FILIP1L: variants seen among roughly 807,000 people sequenced by gnomAD.
The protein encoded by FILIP1L is filamin A interacting protein 1 like.
A neutral mutation model predicts 96.6 loss-of-function variants in FILIP1L; 55 were observed. That is an observed-to-expected ratio of 0.57 (90% confidence interval 0.46 to 0.71). The LOEUF (loss-of-function observed/expected upper bound fraction) is 0.71, where lower values mean the gene tolerates loss of function less well. FILIP1L is among the 30% of genes least tolerant of loss of function. The pLI is 0.00. For synonymous variants in FILIP1L, 467 were observed against 473.9 expected, an observed-to-expected ratio of 0.99 and a Z score of 0.19; for missense variants, 1,304 against 1,321.2, an observed-to-expected ratio of 0.99 and a Z score of 0.20.
intron 4 of FILIP1L, among the ~76,000 whole-genome samples, chr3:99,901,526 C>G (rs984151377): frequency 2.6e-5 from 4 of 152,186 alleles, no homozygotes; most frequent in African/African-American, 9.7e-5. Context: ...TTTTGCTTGG[C>G]TATTAGCCAG....
intron 4 of FILIP1L, among the ~76,000 whole-genome samples, chr3:99,907,670 A>G (rs942089002): frequency 6.6e-6 from 1 of 152,010 alleles, no homozygotes; most frequent in African/African-American, 2.4e-5. Flanking sequence ...CCTGAATTTG[A>G]TTGCTCTTTT....
chr3:100,016,690 A>G (rs1710351269), intron 1 of FILIP1L, among the ~76,000 whole-genome samples: 2 of 152,360 alleles, frequency 1.3e-5, no homozygotes, highest in South Asian at 4.1e-4. Context: ...TGCAATTCAT[A>G]AACTGGCTGC....
intron 5 of FILIP1L, among the ~76,000 whole-genome samples, chr3:99,846,478 T>G (rs1391909501): frequency 6.6e-6 from 1 of 152,212 alleles, no homozygotes; most frequent in East Asian, 1.9e-4. Context: ...CCTTCTAGAG[T>G]TCTGGCCCAA....
intron 1 of FILIP1L, among the ~76,000 whole-genome samples, chr3:99,937,230 G>A (rs558443813): frequency 2.6e-5 from 4 of 152,266 alleles, no homozygotes; most frequent in African/African-American, 9.6e-5. Flanking sequence ...GAGCCACCAT[G>A]CCCAGCCTAG....
chr3:99,889,744 A>AT (rs1452963596), intron 4 of FILIP1L, among the ~76,000 whole-genome samples: 2 of 151,976 alleles, frequency 1.3e-5, no homozygotes, highest in Admixed American at 6.6e-5. Flanking sequence ...GACCCTATAA[A>AT]TTCCATCTCA....
intron 1 of FILIP1L, among the ~76,000 whole-genome samples, chr3:100,005,226 T>C: frequency 6.6e-6 from 1 of 152,206 alleles, no homozygotes. Context: ...TGAAAGGTTG[T>C]TGGTGATAAT....
chr3:100,049,546 A>G (rs2065335112), intron 1 of FILIP1L, among the ~76,000 whole-genome samples: 1 of 152,208 alleles, frequency 6.6e-6, no homozygotes, highest in Admixed American at 6.5e-5. Context: ...TTGAGGGAAT[A>G]AAAGTGATTA....
chr3:99,839,921 ACT>A (rs1483781635), intron 5 of FILIP1L, among the ~76,000 whole-genome samples: 3 of 151,990 alleles, frequency 2.0e-5, no homozygotes, highest in African/African-American at 7.3e-5. Flanking sequence ...TAAGAGTGGA[ACT>A]CTTATAGAGT....
intron 1 of FILIP1L, among the ~76,000 whole-genome samples, chr3:99,995,976 G>T (rs1460420913): frequency 2.0e-5 from 3 of 152,216 alleles, no homozygotes; most frequent in African/African-American, 7.2e-5. Flanking sequence ...TTTCCCCATT[G>T]TCTTGGTGAT....
intron 5 of FILIP1L, among the ~76,000 whole-genome samples, chr3:99,846,656 G>A (rs1013500567): frequency 3.1e-4 from 47 of 152,294 alleles, no homozygotes; most frequent in African/African-American, 9.9e-4. Flanking sequence ...AGCCCATAGC[G>A]TTGGTGTTGC....
intron 1 of FILIP1L, among the ~76,000 whole-genome samples, chr3:99,972,986 G>T (rs887434428): frequency 1.3e-5 from 2 of 152,168 alleles, no homozygotes; most frequent in Non-Finnish European, 2.9e-5. Flanking sequence ...GCTGAGAGCA[G>T]AAATAGGCCA....
At position 99,881,721 on chromosome 3, in the gene FILIP1L, C is replaced by T. The variant is rs138965828; in HGVS notation, c.606-30651G>A. Among the ~76,000 whole-genome samples, 74 of 152,084 alleles carry T rather than the reference C, an allele frequency of 4.9e-4. No homozygotes were observed. The East Asian group carries it at 0.012, about 25-fold the overall frequency. On this transcript the variant is annotated intron_variant, in intron 4 of 5. Coordinates refer to ENST00000477258, the MANE Select transcript of FILIP1L (RefSeq NM_001387850.1). ...CTAATTTTTGTATTTTTAGTAAAGACGGGGTTTCACCATGTTGGCCAGGCT... is the reference window on the plus strand; with the variant it reads ...CTAATTTTTGTATTTTTAGTAAAGATGGGGTTTCACCATGTTGGCCAGGCT...
In FILIP1L at chr3:99,876,180, G is replaced by A. The variant is rs1705508768; in HGVS notation, c.606-25110C>T. On this transcript the variant is annotated intron_variant, in intron 4 of 5. Coordinates refer to ENST00000477258, the MANE Select transcript of FILIP1L (RefSeq NM_001387850.1). ...AGAGTCGCCCGAACAATGCGAGCGG[G>A]GCGCTGAGCGCGCCCGGCCTATGGG... 5 of 985,348 alleles carry A rather than the reference G, an allele frequency of 5.1e-6. No homozygotes were observed. The South Asian group carries it at 2.3e-4, about 46-fold the overall frequency. The allele number at this position is 985,348 out of a possible 1,614,324, so 61.0% of individuals were successfully genotyped here.
intron 1 of FILIP1L, among the ~76,000 whole-genome samples, chr3:99,973,093 A>T (rs1210984655): frequency 1.3e-5 from 2 of 152,346 alleles, no homozygotes; most frequent in East Asian, 1.9e-4. Flanking sequence ...GACAATTATT[A>T]AAAAAGATGA....
In FILIP1L at chr3:100,013,235, T is replaced by TTGTTGC. The variant is rs1490868732; in HGVS notation, c.-10-82206_-10-82205insGCAACA. ...TGAGGTGTTGTTGTTGTTGTTGTTG[T>TTGTTGC]TGTTGTTGTTGTTGTTGTTGTTGTT... On this transcript the variant is annotated intron_variant, in intron 1 of 5. Transcript: ENST00000477258. 4.0e-5 allele frequency among the ~76,000 whole-genome samples: 6 copies of TTGTTGC among 151,080 alleles called. No homozygotes were observed. The East Asian group carries it at 1.2e-3, about 30-fold the overall frequency.
At chr3:99,937,007 G>A (rs765335053) in intron 1 of FILIP1L, among the ~76,000 whole-genome samples, 20 of 151,882 alleles carry the variant, frequency 1.3e-4, no homozygotes, top group Non-Finnish European at 2.1e-4. Flanking sequence ...GCGTGATCTC[G>A]GGTCACTGCA....
intron 1 of FILIP1L, among the ~76,000 whole-genome samples, chr3:99,939,317 G>A (rs761960808): frequency 1.3e-5 from 2 of 152,196 alleles, no homozygotes; most frequent in Admixed American, 1.3e-4. Flanking sequence ...TTTAGTTCGT[G>A]TATCCTGGTT....
intron 1 of FILIP1L, among the ~76,000 whole-genome samples, chr3:100,093,587 A>C (rs2066151250): frequency 6.6e-6 from 1 of 152,176 alleles, no homozygotes. Context: ...GTAACATCTT[A>C]CAGAACTGTA....
chr3:100,095,295 C>T (rs2066185488), intron 1 of FILIP1L, among the ~76,000 whole-genome samples: 1 of 151,992 alleles, frequency 6.6e-6, no homozygotes, highest in African/African-American at 2.4e-5. Context: ...GTTAGAATTC[C>T]ATTAACACTA....
Sources: allele counts gnomAD v4.1 joint callset (sites outside exome capture counted in the v4.1 genomes callset), GRCh38; gene constraint gnomAD v4.1.1; transcripts MANE v1.5; gene names NCBI Gene and HGNC (gene_info 2026-07-23, HGNC 2026-07-21).